The following PHEX variants were observed in gnomAD, a reference collection of about 807,000 sequenced individuals.
PHEX encodes the protein phosphate-regulating neutral endopeptidase PHEX.
Under a neutral mutation model 68.0 loss-of-function variants are expected in PHEX, and 16 were observed. The ratio of observed to expected loss-of-function variants is 0.24; its 90% CI spans 0.16 to 0.36. The LOEUF is 0.36. PHEX is among the 10% of genes least tolerant of loss of function. The pLI is 1.00. For synonymous variants in PHEX, 208 were observed against 205.1 expected (o/e 1.01, Z -0.12); for missense variants, 480 against 575.5 (o/e 0.83, Z 1.70).
intron 2 of PHEX, among the ~76,000 whole-genome samples, chrX:22,043,354 C>G (rs1487125194): frequency 8.9e-6 from 1 of 112,402 alleles, no homozygotes; most frequent in Non-Finnish European, 1.9e-5. Context: ...ATCAGAAATT[C>G]AGACTTCACT....
chrX:22,247,650 C>G (rs1936430033), intron 21 of PHEX, among the ~76,000 whole-genome samples: 1 of 111,942 alleles, frequency 8.9e-6, no homozygotes, highest in African/African-American at 3.2e-5. Flanking sequence ...GGGGCATGTG[C>G]TTGGCATTCA....
chrX:22,155,651 A>C (rs1198218658), intron 12 of PHEX, among the ~76,000 whole-genome samples: 1 of 112,325 alleles, frequency 8.9e-6, no homozygotes, highest in Non-Finnish European at 1.9e-5. Context: ...TAATATTTCT[A>C]TACTGGCTGT....
intron 12 of PHEX, among the ~76,000 whole-genome samples, chrX:22,137,397 G>T (rs770676262): frequency 2.7e-5 from 3 of 111,871 alleles, no homozygotes; most frequent in African/African-American, 6.5e-5. Context: ...CTTAACCTTG[G>T]CCACAGCAGG....
At chrX:22,093,218 C>T (rs767042045) in intron 6 of PHEX, among the ~76,000 whole-genome samples, 2 of 111,738 alleles carry the variant, frequency 1.8e-5, no homozygotes, top group Admixed American at 9.5e-5. Context: ...AGAAGGAGGT[C>T]ATTTAATACC....
At chrX:22,130,528 G>A (rs763146624) in intron 11 of PHEX, among the ~76,000 whole-genome samples, 3 of 82,512 alleles carry the variant, frequency 3.6e-5, no homozygotes, top group South Asian at 7.1e-4. Context: ...CAGCCTGGGC[G>A]ACACAGTCAG....
chrX:22,099,248 A>G, intron 9 of PHEX, 97 bp downstream of exon 9: 1 of 830,831 alleles, frequency 1.2e-6, no homozygotes, highest in Non-Finnish European at 1.8e-6. Context: ...TTTTTAAAGA[A>G]TGTTACATCA....
intron 3 of PHEX, among the ~76,000 whole-genome samples, chrX:22,055,174 CAAAAAAAA>C (rs111628195): frequency 1.5e-4 from 10 of 66,079 alleles, no homozygotes; most frequent in Non-Finnish European, 3.0e-4. Flanking sequence ...GACTCCAGCT[CAAAAAAAA>C]AAAAAAAAAA....
intron 12 of PHEX, among the ~76,000 whole-genome samples, chrX:22,142,159 G>A (rs920990781): frequency 1.3e-4 from 14 of 111,871 alleles, no homozygotes; most frequent in African/African-American, 4.2e-4. Context: ...GGCTGAAGCA[G>A]GAGAATCGCT....
chrX:22,197,404 A>T (rs1449493113), intron 15 of PHEX, among the ~76,000 whole-genome samples: 1 of 111,311 alleles, frequency 9.0e-6, no homozygotes, highest in Non-Finnish European at 1.9e-5. Flanking sequence ...CATAAAAAAC[A>T]TTGTGGCTTT....
intron 15 of PHEX, among the ~76,000 whole-genome samples, chrX:22,208,023 C>T (rs1274621909): frequency 1.8e-5 from 2 of 110,266 alleles, no homozygotes; most frequent in East Asian, 2.8e-4. Context: ...TCTCCTAATG[C>T]TATCCCTCCC....
At chrX:22,124,298 T>TAAGTATG (rs915209128) in intron 11 of PHEX, among the ~76,000 whole-genome samples, 2 of 112,481 alleles carry the variant, frequency 1.8e-5, no homozygotes, top group Admixed American at 1.9e-4. Context: ...TCTTTTGAAA[T>TAAGTATG]AAGTATGAAC....
intron 17 of PHEX, among the ~76,000 whole-genome samples, chrX:22,220,833 G>A (rs1008091897): frequency 8.9e-6 from 1 of 112,091 alleles, no homozygotes; most frequent in African/African-American, 3.2e-5. Context: ...TAAGCTCTCT[G>A]TATAATTAAA....
intron 12 of PHEX, among the ~76,000 whole-genome samples, chrX:22,161,252 G>C (rs2147111830): frequency 8.9e-6 from 1 of 112,313 alleles, no homozygotes; most frequent in East Asian, 2.8e-4. Context: ...GGTAAGATCA[G>C]TTAATATTGA....
intron 3 of PHEX, among the ~76,000 whole-genome samples, chrX:22,058,140 A>G (rs1458573719): frequency 9.0e-6 from 1 of 111,186 alleles, no homozygotes; most frequent in Non-Finnish European, 1.9e-5. Flanking sequence ...TGCAAGTTAC[A>G]GACAAGAAAA....
intron 12 of PHEX, among the ~76,000 whole-genome samples, chrX:22,150,902 G>A (rs1932844620): frequency 8.9e-6 from 1 of 112,179 alleles, no homozygotes. Flanking sequence ...TCTCTCCCTA[G>A]ACTGCCTCTT....
intron 1 of PHEX, among the ~76,000 whole-genome samples, chrX:22,036,621 C>A (rs2146977582): frequency 9.0e-6 from 1 of 110,990 alleles, no homozygotes; most frequent in African/African-American, 3.3e-5. Context: ...ATTAGGTCAA[C>A]ATATAAAAAT....
chrX:22,217,992 C>T (rs766813075), intron 16 of PHEX, among the ~76,000 whole-genome samples: 3 of 110,417 alleles, frequency 2.7e-5, no homozygotes, highest in Non-Finnish European at 5.7e-5. Context: ...CTGTATGGTG[C>T]TGGCCGGGGT....
chrX:22,209,039 T>C (rs1033294209), intron 15 of PHEX, among the ~76,000 whole-genome samples: 1 of 111,650 alleles, frequency 9.0e-6, no homozygotes, highest in Non-Finnish European at 1.9e-5. Context: ...GACCAGAAGT[T>C]TGCTTGTGTA....
intron 2 of PHEX, among the ~76,000 whole-genome samples, chrX:22,041,825 A>G (rs762094631): frequency 9.0e-6 from 1 of 111,591 alleles, no homozygotes; most frequent in Non-Finnish European, 1.9e-5. Flanking sequence ...TTAGTTCTGT[A>G]TTATGAATCA....
Sources: gnomAD v4.1 joint callset for allele counts (sites outside exome capture counted in the v4.1 genomes callset) on GRCh38, gnomAD v4.1.1 for gene constraint, MANE v1.5 for transcripts, NCBI Gene and HGNC (gene_info 2026-07-23, HGNC 2026-07-21) for gene names.